Variants in MCU observed in about 807,000 individuals in gnomAD.
MCU encodes calcium uniporter protein, mitochondrial.
Under a neutral mutation model 45.2 loss-of-function variants are expected in MCU, and 12 were observed. The ratio of observed to expected loss-of-function variants is 0.27; its 90% CI spans 0.17 to 0.43. The LOEUF (loss-of-function observed/expected upper bound fraction) is 0.43, where lower values mean the gene tolerates loss of function less well. Among genes scored for constraint, MCU ranks in the 20% least tolerant of loss-of-function variants. The pLI, the probability that MCU is intolerant of heterozygous loss-of-function variation, is 1.00. For missense variants in MCU, 324 were observed against 436.7 expected (o/e 0.74, Z 2.30); for synonymous variants, 160 against 165.1 (o/e 0.97, Z 0.24).
At chr10:72,708,486 A>G (rs1161634418) in intron 1 of MCU, 1 of 152,212 alleles carries the variant, frequency 6.6e-6, no homozygotes, top group African/African-American at 2.4e-5. Flanking sequence ...GAAAACCTTA[A>G]GTGATTAGTT....
chr10:72,831,294 G>A (rs1476500246), intron 1 of MCU, among the ~76,000 whole-genome samples: 1 of 152,142 alleles, frequency 6.6e-6, no homozygotes, highest in Non-Finnish European at 1.5e-5. Flanking sequence ...GGAGTCTGTA[G>A]TTGATACATA....
At chr10:72,871,668 A>T in intron 6 of MCU, 88 bp downstream of exon 6, 1 of 1,144,340 alleles carries the variant, frequency 8.7e-7, no homozygotes, top group Non-Finnish European at 1.3e-6. Flanking sequence ...TTCTAAAGCC[A>T]GTTTTCTTTA....
intron 1 of MCU, among the ~76,000 whole-genome samples, chr10:72,725,246 C>G (rs991289642): frequency 6.6e-6 from 1 of 152,182 alleles, no homozygotes; most frequent in Non-Finnish European, 1.5e-5. Flanking sequence ...CTGCCTCAGC[C>G]TCCCGAGAAG....
chr10:72,856,243 G>A (rs770931921), intron 2 of MCU, among the ~76,000 whole-genome samples: 8 of 152,098 alleles, frequency 5.3e-5, no homozygotes, highest in Non-Finnish European at 7.4e-5. Context: ...GGTTACCCAG[G>A]GATTAACTGG....
chr10:72,857,715 A>T (rs1203864936), intron 2 of MCU, among the ~76,000 whole-genome samples: 2 of 152,164 alleles, frequency 1.3e-5, no homozygotes, highest in African/African-American at 2.4e-5. Context: ...TTAAAAATGC[A>T]TTTTTAAAAA....
chr10:72,880,184 G>T (rs1230216101), intron 6 of MCU, among the ~76,000 whole-genome samples: 1 of 152,226 alleles, frequency 6.6e-6, no homozygotes, highest in African/African-American at 2.4e-5. Context: ...CACCTTTGAA[G>T]AGGAGGCCCT....
chr10:72,784,406 TAAAATC>T (rs1318394185), intron 1 of MCU, among the ~76,000 whole-genome samples: 2 of 152,234 alleles, frequency 1.3e-5, no homozygotes, highest in Non-Finnish European at 2.9e-5. Context: ...TTCATTTACT[TAAAATC>T]AAGCCACCTT....
intron 1 of MCU, among the ~76,000 whole-genome samples, chr10:72,826,852 C>T (rs555222552): frequency 1.3e-5 from 2 of 152,156 alleles, no homozygotes; most frequent in Non-Finnish European, 2.9e-5. Context: ...ATCCTACACT[C>T]TCCCACTCTG....
At chr10:72,875,589 G>A (rs566900634) in intron 6 of MCU, among the ~76,000 whole-genome samples, 2 of 152,154 alleles carry the variant, frequency 1.3e-5, no homozygotes, top group Non-Finnish European at 2.9e-5. Flanking sequence ...TATTACCTCT[G>A]AAGCAAATGC....
intron 7 of MCU, 115 bp from the exon 8 acceptor site, chr10:72,885,630 A>T: frequency 1.4e-6 from 1 of 691,572 alleles, no homozygotes; most frequent in Non-Finnish European, 2.5e-6. Context: ...TTTGAGAGTT[A>T]TTGAGATGAT....
intron 1 of MCU, among the ~76,000 whole-genome samples, chr10:72,761,660 A>AT (rs1843658381): frequency 1.3e-5 from 2 of 152,182 alleles, no homozygotes. Context: ...TTTTAAAAGT[A>AT]TTTTTTAATT....
chr10:72,698,329 A>G (rs1291461466), intron 1 of MCU, among the ~76,000 whole-genome samples: 1 of 152,238 alleles, frequency 6.6e-6, no homozygotes, highest in African/African-American at 2.4e-5. Context: ...TTCAACTTCA[A>G]ACATGAGGTA....
At chr10:72,793,284 A>G (rs549471508) in intron 1 of MCU, among the ~76,000 whole-genome samples, 15 of 152,334 alleles carry the variant, frequency 9.8e-5, no homozygotes, top group African/African-American at 3.6e-4. Flanking sequence ...CAGGCAAAAT[A>G]AAGTCACAGA....
At chr10:72,827,805 CAG>C (rs1383331915) in intron 1 of MCU, among the ~76,000 whole-genome samples, 1 of 152,086 alleles carries the variant, frequency 6.6e-6, no homozygotes, top group African/African-American at 2.4e-5. Context: ...GATGAAGAAA[CAG>C]AGACTTAGAA....
chr10:72,723,675 A>G, intron 1 of MCU, among the ~76,000 whole-genome samples: 1 of 152,230 alleles, frequency 6.6e-6, no homozygotes, highest in East Asian at 1.9e-4. Context: ...TGTCATACAC[A>G]TTTAATGGCA....
At chr10:72,813,450 CTTTTT>C (rs71021537) in intron 1 of MCU, among the ~76,000 whole-genome samples, 4 of 76,196 alleles carry the variant, frequency 5.2e-5, no homozygotes, top group South Asian at 4.7e-4. Context: ...CCAGCTCTCT[CTTTTT>C]TTTTTTTTTT....
At chr10:72,877,692 C>G (rs1362610422) in intron 6 of MCU, among the ~76,000 whole-genome samples, 1 of 151,962 alleles carries the variant, frequency 6.6e-6, no homozygotes, top group Non-Finnish European at 1.5e-5. Context: ...AGAGGAGTCC[C>G]AGGAAGATGA....
chr10:72,725,170 G>A (rs2132676864), intron 1 of MCU, among the ~76,000 whole-genome samples: 1 of 151,594 alleles, frequency 6.6e-6, no homozygotes, highest in Non-Finnish European at 1.5e-5. Flanking sequence ...CTGTCACCCA[G>A]GCTGGAGTGC....
intron 1 of MCU, among the ~76,000 whole-genome samples, chr10:72,726,256 C>CGT (rs60826955): frequency 0.41 from 60,063 of 145,326 alleles, 12,635 homozygotes; most frequent in Middle Eastern, 0.49. Flanking sequence ...CACACACACA[C>CGT]GTGTGTGTGT....
Sources: gnomAD v4.1 joint callset for allele counts (sites outside exome capture counted in the v4.1 genomes callset) on GRCh38, gnomAD v4.1.1 for gene constraint, MANE v1.5 for transcripts, NCBI Gene and HGNC (gene_info 2026-07-23, HGNC 2026-07-21) for gene names.